The following CDYL variants were observed in gnomAD, a reference collection of about 807,000 sequenced individuals.
CDYL encodes the protein chromodomain Y like, also known as chromodomain Y-like protein.
A neutral mutation model predicts 47.3 loss-of-function variants in CDYL; 8 were observed. The observed-to-expected ratio is 0.17, with a 90% CI of 0.10 to 0.31. The LOEUF is 0.31. CDYL is among the 10% of genes least tolerant of loss of function. The pLI, the probability that CDYL is intolerant of heterozygous loss-of-function variation, is 1.00. For missense variants in CDYL, 471 were observed against 701.4 expected (o/e 0.67, Z 3.71); for synonymous variants, 266 against 265.0 (o/e 1.00, Z -0.04).
intron 2 of CDYL, among the ~76,000 whole-genome samples, chr6:4,935,110 C>T (rs976929074): frequency 6.6e-6 from 1 of 152,278 alleles, no homozygotes; most frequent in Middle Eastern, 3.4e-3. Context: ...AAAGAAGTTT[C>T]GACTAGATGG....
intron 3 of CDYL, among the ~76,000 whole-genome samples, chr6:4,748,189 T>C (rs1757930808): frequency 6.6e-6 from 1 of 152,166 alleles, no homozygotes; most frequent in Admixed American, 6.5e-5. Context: ...TGATTTCAAG[T>C]ACATCTCTCT....
intron 2 of CDYL, among the ~76,000 whole-genome samples, chr6:4,726,843 A>G (rs982107312): frequency 6.6e-6 from 1 of 152,200 alleles, no homozygotes; most frequent in Non-Finnish European, 1.5e-5. Context: ...AAGGGTGCTT[A>G]TGATTTTTGG....
At chr6:4,720,182 A>AGG in intron 2 of CDYL, among the ~76,000 whole-genome samples, 1 of 152,226 alleles carries the variant, frequency 6.6e-6, no homozygotes, top group Non-Finnish European at 1.5e-5. Flanking sequence ...AAAACTTGTA[A>AGG]ACATTGAGTC....
At chr6:4,746,532 T>C (rs137932432) in intron 3 of CDYL, among the ~76,000 whole-genome samples, 53 of 152,192 alleles carry the variant, frequency 3.5e-4, no homozygotes, top group African/African-American at 7.7e-4. Flanking sequence ...ACCGGAATGC[T>C]GCTGAGGAGG....
chr6:4,764,434 C>G (rs550410293), intron 3 of CDYL, among the ~76,000 whole-genome samples: 15 of 152,016 alleles, frequency 9.9e-5, no homozygotes, highest in Non-Finnish European at 1.5e-4. Context: ...GGATTACAGG[C>G]GCACACCCCC....
chr6:4,786,053 A>C (rs1416935413), intron 1 of CDYL, among the ~76,000 whole-genome samples: 1 of 152,246 alleles, frequency 6.6e-6, no homozygotes, highest in Non-Finnish European at 1.5e-5. Context: ...CGAAAAAATT[A>C]AGTCTACTTT....
chr6:4,863,920 C>A (rs1017837072), intron 1 of CDYL, among the ~76,000 whole-genome samples: 1 of 152,118 alleles, frequency 6.6e-6, no homozygotes, highest in Non-Finnish European at 1.5e-5. Flanking sequence ...CTGATAAGAT[C>A]CTCAAGTTGA....
intron 1 of CDYL, among the ~76,000 whole-genome samples, chr6:4,868,126 AT>A (rs1761373679): frequency 6.6e-6 from 1 of 151,266 alleles, no homozygotes; most frequent in Admixed American, 6.6e-5. Context: ...TTGGATCTTT[AT>A]TGTTTCCTCT....
At chr6:4,749,099 C>T (rs1308604718) in intron 3 of CDYL, among the ~76,000 whole-genome samples, 1 of 152,150 alleles carries the variant, frequency 6.6e-6, no homozygotes, top group Admixed American at 6.6e-5. Context: ...TTTTTCTACT[C>T]CATTTTCCCA....
chr6:4,897,855 A>G (rs1221232855), intron 2 of CDYL, among the ~76,000 whole-genome samples: 3 of 150,942 alleles, frequency 2.0e-5, no homozygotes, highest in Non-Finnish European at 4.4e-5. Context: ...CAGGAGATCA[A>G]GACCATCCTG....
chr6:4,738,648 G>A (rs182785669), intron 3 of CDYL, among the ~76,000 whole-genome samples: 2 of 152,266 alleles, frequency 1.3e-5, no homozygotes, highest in African/African-American at 4.8e-5. Flanking sequence ...TGAAAAATGA[G>A]TACAACCTCT....
At chr6:4,939,427 T>C (rs1581280992) in intron 4 of CDYL, among the ~76,000 whole-genome samples, 1 of 152,238 alleles carries the variant, frequency 6.6e-6, no homozygotes, top group East Asian at 1.9e-4. Flanking sequence ...GGGGATTGCC[T>C]TAGCCTCTCA....
chr6:4,707,176 T>C (rs948343068), intron 1 of CDYL, among the ~76,000 whole-genome samples: 34 of 152,350 alleles, frequency 2.2e-4, no homozygotes, highest in African/African-American at 7.9e-4. Context: ...GGTGTATTCC[T>C]GTCACCATTG....
At chr6:4,932,699 G>A (rs762564625) in intron 2 of CDYL, among the ~76,000 whole-genome samples, 4 of 152,280 alleles carry the variant, frequency 2.6e-5, no homozygotes, top group Middle Eastern at 3.4e-3. Context: ...GAGTCTCCAC[G>A]TCTGTCTCCT....
chr6:4,874,869 C>T (rs808636), intron 1 of CDYL, among the ~76,000 whole-genome samples: 3,451 of 152,160 alleles, frequency 0.023, 129 homozygotes, highest in African/African-American at 0.078. Flanking sequence ...CGTTTGGATT[C>T]GTCTGTGTTG....
intron 1 of CDYL, among the ~76,000 whole-genome samples, chr6:4,843,768 A>G (rs996195311): frequency 2.4e-4 from 36 of 152,058 alleles, no homozygotes; most frequent in Non-Finnish European, 4.3e-4. Flanking sequence ...GGACTTTACC[A>G]TTCTCTGGTG....
chr6:4,885,098 A>T (rs1330710574), intron 1 of CDYL, among the ~76,000 whole-genome samples: 1 of 152,052 alleles, frequency 6.6e-6, no homozygotes, highest in African/African-American at 2.4e-5. Flanking sequence ...GGCTCAAGTA[A>T]TCCTCCTACC....
rs57986190 is a variant in CDYL, at chr6:4,937,838, A to C, written c.1121+101A>C. The C allele has an allele frequency of 4.2e-3, 3,520 of 846,242 alleles. 90 individuals are homozygous for C. In the African/African-American group the frequency reaches 0.051, roughly 12 times the overall value. The allele number at this position is 846,242 out of a possible 1,614,324, so 52.4% of individuals were successfully genotyped here. The stretch of plus-strand genomic sequence containing the variant: ...TGACCAAGCCTTGAGAATAAGATAC[A>C]CATCTTCTCCCATGGAGAGACACGA... On this transcript the variant is annotated intron_variant, in intron 4 of 6. Transcript: ENST00000397588.
chr6:4,929,996 A>C (rs1757987837), intron 2 of CDYL, among the ~76,000 whole-genome samples: 1 of 152,148 alleles, frequency 6.6e-6, no homozygotes, highest in Non-Finnish European at 1.5e-5. Context: ...GTTGTATATC[A>C]GTTTGATCCT....
Sources: gnomAD v4.1 joint callset for allele counts (sites outside exome capture counted in the v4.1 genomes callset) on GRCh38, gnomAD v4.1.1 for gene constraint, MANE v1.5 for transcripts, NCBI Gene and HGNC (gene_info 2026-07-23, HGNC 2026-07-21) for gene names.